The following MGAT4C variants were observed in gnomAD, a reference collection of about 807,000 sequenced individuals.
The protein encoded by MGAT4C is MGAT4 family member C.
A neutral mutation model predicts 40.1 loss-of-function variants in MGAT4C; 19 were observed. That is an observed-to-expected ratio of 0.47 (90% CI 0.33 to 0.70). The LOEUF (loss-of-function observed/expected upper bound fraction) is 0.70, where lower values mean the gene tolerates loss of function less well. Ranked by LOEUF, MGAT4C falls within the 30% of genes least tolerant of loss-of-function variation. MGAT4C has a pLI of 0.02. For missense variants in MGAT4C, 491 were observed against 563.2 expected, an observed-to-expected ratio of 0.87 and a Z score of 1.30; for synonymous variants, 181 against 187.1, an observed-to-expected ratio of 0.97 and a Z score of 0.27.
In MGAT4C at chr12:86,049,669, C is replaced by T. The variant is rs1257923017; in HGVS notation, c.-7+5G>A. The T allele has an allele frequency of 1.0e-6, 1 of 981,814 alleles. No homozygotes were observed. The highest frequency in any genetic ancestry group is 6.2e-5 in the Admixed American group (1 of 16,182). The allele number at this position is 981,814 out of a possible 1,614,324, so 60.8% of individuals were successfully genotyped here. A position where few individuals can be genotyped will look rare whatever the true frequency, so the allele number is the denominator to read the frequency against. ...AATACTACCATGAATGACATAGAAT[C>T]TCACCTTAAGAAAGACGCTGTCATA... On this transcript the variant is annotated splice_donor_5th_base_variant and intron_variant, in intron 2 of 4. Coordinates refer to ENST00000611864, the MANE Select transcript of MGAT4C (RefSeq NM_001351288.2).
rs375937846 is a variant in MGAT4C at position 86,308,916 on chromosome 12, T to A, written c.-57+25149A>T. On this transcript the variant is annotated intron_variant, in intron 4 of 7. Transcript: ENST00000548651. ...GAAGGGACTTGTCTGAAGTCACCAGTGAAAGTTTGAACTGATTATCTGTAA... is the reference window on the plus strand; with the variant it reads ...GAAGGGACTTGTCTGAAGTCACCAGAGAAAGTTTGAACTGATTATCTGTAA... Among the ~76,000 whole-genome samples the A allele has an allele frequency of 4.0e-5, 6 of 150,800 alleles. 2 individuals carry two copies. In the East Asian group the frequency reaches 1.2e-3, roughly 29 times the overall value.
At chr12:86,769,812 C>G (rs1008749170) in intron 1 of MGAT4C, among the ~76,000 whole-genome samples, 1 of 152,018 alleles carries the variant, frequency 6.6e-6, no homozygotes, top group Admixed American at 6.6e-5. Context: ...GAGAACTGAA[C>G]AGTGAGAACA....
chr12:86,313,621 G>C (rs187945958), intron 4 of MGAT4C, among the ~76,000 whole-genome samples: 8 of 152,048 alleles, frequency 5.3e-5, no homozygotes, highest in Non-Finnish European at 7.4e-5. Context: ...ACTCTCTCAC[G>C]AACTCATAAA....
intron 2 of MGAT4C, among the ~76,000 whole-genome samples, chr12:86,043,414 A>T (rs1037263017): frequency 2.0e-5 from 3 of 152,156 alleles, no homozygotes; most frequent in African/African-American, 7.2e-5. Context: ...CTAAAAGCTG[A>T]AGAACTTGGA....
intron 2 of MGAT4C, among the ~76,000 whole-genome samples, chr12:86,617,582 G>A (rs1962491247): frequency 1.3e-5 from 2 of 152,100 alleles, no homozygotes; most frequent in Non-Finnish European, 2.9e-5. Context: ...CAGCTATGCT[G>A]GAGGCTGAGG....
intron 1 of MGAT4C, among the ~76,000 whole-genome samples, chr12:86,175,666 T>C (rs1335423833): frequency 6.6e-6 from 1 of 151,770 alleles, no homozygotes; most frequent in African/African-American, 2.4e-5. Context: ...ACCTAAATAA[T>C]TTTGGCTGGG....
intron 2 of MGAT4C, among the ~76,000 whole-genome samples, chr12:86,562,788 A>G (rs1355960777): frequency 6.6e-6 from 1 of 152,170 alleles, no homozygotes; most frequent in Admixed American, 6.5e-5. Flanking sequence ...AGGAATGGAT[A>G]TTAAGGGTGT....
At chr12:86,028,502 C>T (rs2136895002) in intron 2 of MGAT4C, among the ~76,000 whole-genome samples, 1 of 151,750 alleles carries the variant, frequency 6.6e-6, no homozygotes, top group Admixed American at 6.6e-5. Context: ...TTTTTTTTCC[C>T]CAGATAAACT....
chr12:86,367,722 C>G (rs541905470), intron 3 of MGAT4C, among the ~76,000 whole-genome samples: 105 of 152,292 alleles, frequency 6.9e-4, no homozygotes, highest in African/African-American at 2.5e-3. Flanking sequence ...TGGCGTGAAT[C>G]CTGGAGGCAG....
At chr12:86,013,243 G>A (rs1318101162) in intron 2 of MGAT4C, among the ~76,000 whole-genome samples, 1 of 152,142 alleles carries the variant, frequency 6.6e-6, no homozygotes, top group Non-Finnish European at 1.5e-5. Context: ...TTATTTTGAA[G>A]TGATACTGTA....
chr12:86,565,085 A>C (rs1420264205), intron 2 of MGAT4C, among the ~76,000 whole-genome samples: 1 of 152,138 alleles, frequency 6.6e-6, no homozygotes, highest in Non-Finnish European at 1.5e-5. Flanking sequence ...TTTGGTAGAA[A>C]CTGAACATAT....
intron 1 of MGAT4C, among the ~76,000 whole-genome samples, chr12:86,156,058 A>T (rs1311601674): frequency 6.6e-6 from 1 of 152,018 alleles, no homozygotes; most frequent in Non-Finnish European, 1.5e-5. Flanking sequence ...ATTAAATTGC[A>T]TATTATATTA....
intron 2 of MGAT4C, among the ~76,000 whole-genome samples, chr12:86,575,355 C>T (rs1348285366): frequency 1.3e-5 from 2 of 151,742 alleles, no homozygotes; most frequent in Admixed American, 1.3e-4. Flanking sequence ...ACTTCCCATC[C>T]CCAAACCCCA....
intron 2 of MGAT4C, among the ~76,000 whole-genome samples, chr12:86,537,588 G>T (rs766010532): frequency 2.0e-5 from 3 of 152,074 alleles, no homozygotes; most frequent in Non-Finnish European, 2.9e-5. Flanking sequence ...GCGGTCAGGA[G>T]TCATTTCTCA....
intron 2 of MGAT4C, among the ~76,000 whole-genome samples, chr12:86,042,626 G>C (rs1387847275): frequency 6.6e-6 from 1 of 152,000 alleles, no homozygotes; most frequent in African/African-American, 2.4e-5. Context: ...TGCTGAATGG[G>C]AGTTCGAGGT....
chr12:86,373,313 C>G (rs1041873670), intron 3 of MGAT4C, among the ~76,000 whole-genome samples: 2 of 151,956 alleles, frequency 1.3e-5, no homozygotes, highest in African/African-American at 2.4e-5. Context: ...TTTAACAAAA[C>G]TGATCCATCT....
At chr12:86,057,289 C>T (rs1893503072) in intron 1 of MGAT4C, among the ~76,000 whole-genome samples, 7 of 152,154 alleles carry the variant, frequency 4.6e-5, no homozygotes, top group Admixed American at 4.6e-4. Context: ...ATAGTATCTA[C>T]CGTTTTGGTC....
intron 1 of MGAT4C, among the ~76,000 whole-genome samples, chr12:86,211,919 C>T (rs566773495): frequency 6.6e-6 from 1 of 152,166 alleles, no homozygotes; most frequent in South Asian, 2.1e-4. Flanking sequence ...ATCTTTTGCA[C>T]CATGTTTAGT....
intron 1 of MGAT4C, among the ~76,000 whole-genome samples, chr12:86,184,372 T>C (rs1406024077): frequency 6.6e-6 from 1 of 150,976 alleles, no homozygotes; most frequent in African/African-American, 2.4e-5. Context: ...TGAGACTCCG[T>C]TTAAAAAAAA....
Sources: allele counts gnomAD v4.1 joint callset (sites outside exome capture counted in the v4.1 genomes callset), GRCh38; gene constraint gnomAD v4.1.1; transcripts MANE v1.5; gene names NCBI Gene and HGNC (gene_info 2026-07-23, HGNC 2026-07-21).